The following VRK2 variants were observed in gnomAD, a reference collection of about 807,000 sequenced individuals.
VRK2 encodes the protein VRK serine/threonine kinase 2.
In VRK2, 60 loss-of-function variants were observed where a neutral mutation model predicts 57.6. The ratio of observed to expected loss-of-function variants is 1.04; its 90% CI spans 0.85 to 1.29. VRK2 has a LOEUF of 1.29. VRK2 is among the 50% of genes most tolerant of loss of function. VRK2 has a pLI of 0.00. For missense variants in VRK2, 705 were observed against 588.1 expected (o/e 1.20, Z -2.06); for synonymous variants, 231 against 199.2 (o/e 1.16, Z -1.35).
In VRK2 at chr2:57,975,758, C is replaced by CTTT. The variant is rs1000042113; in HGVS notation, c.-438-49897_-438-49895dup. ...ATGCCATATTTGGTTTTCTCTCTCT[C>CTTT]TTTTTTTTTTTTACTTTTATTTTTG... On this transcript the variant is annotated intron_variant, in intron 1 of 15. Coordinates refer to the VRK2 transcript ENST00000417641. Among the ~76,000 whole-genome samples the CTTT allele has an allele frequency of 3.4e-5, 5 of 145,334 alleles. No individual in the cohort carries two copies. The Admixed American group carries it at 3.4e-4, about 10-fold the overall frequency.
chr2:57,954,133 C>T (rs1272148703), intron 1 of VRK2, among the ~76,000 whole-genome samples: 1 of 152,092 alleles, frequency 6.6e-6, no homozygotes, highest in Admixed American at 6.6e-5. Flanking sequence ...TTACTTCTTA[C>T]TAATTTGAGG....
chr2:57,935,578 T>C (rs1384250957), intron 1 of VRK2, among the ~76,000 whole-genome samples: 2 of 152,204 alleles, frequency 1.3e-5, no homozygotes, highest in East Asian at 1.9e-4. Context: ...CCCTTGTGGG[T>C]CCGGAGGTAA....
intron 2 of VRK2, among the ~76,000 whole-genome samples, chr2:58,057,736 G>A (rs1676735991): frequency 6.6e-6 from 1 of 152,102 alleles, no homozygotes; most frequent in Non-Finnish European, 1.5e-5. Flanking sequence ...TTTGATTAAG[G>A]GTTTTGTACA....
chr2:57,920,568 TCAA>T (rs1670307861), intron 1 of VRK2, among the ~76,000 whole-genome samples: 1 of 152,108 alleles, frequency 6.6e-6, no homozygotes. Flanking sequence ...ATTTTCATTC[TCAA>T]CAACAAAAGC....
intron 1 of VRK2, among the ~76,000 whole-genome samples, chr2:57,946,999 A>G (rs1671282435): frequency 6.6e-6 from 1 of 152,148 alleles, no homozygotes; most frequent in Non-Finnish European, 1.5e-5. Flanking sequence ...TGTCCATCTT[A>G]ATTATATTTC....
intron 12 of VRK2, among the ~76,000 whole-genome samples, chr2:58,154,359 A>G (rs1271799406): frequency 1.3e-5 from 2 of 151,610 alleles, no homozygotes; most frequent in Non-Finnish European, 2.9e-5. Flanking sequence ...ATATAATTGT[A>G]TATATCATAT....
chr2:57,967,722 G>A (rs1025628694), intron 1 of VRK2, among the ~76,000 whole-genome samples: 3 of 152,102 alleles, frequency 2.0e-5, no homozygotes, highest in Admixed American at 6.6e-5. Flanking sequence ...AGAAGGAGAC[G>A]TGGGATAGAT....
At chr2:58,106,057 G>A (rs1416215539) in intron 7 of VRK2, among the ~76,000 whole-genome samples, 1 of 151,878 alleles carries the variant, frequency 6.6e-6, no homozygotes, top group Non-Finnish European at 1.5e-5. Flanking sequence ...CAAAGAGGAA[G>A]ACCATTAAGC....
At chr2:58,094,354 G>A (rs1253317732) in intron 7 of VRK2, among the ~76,000 whole-genome samples, 1 of 152,174 alleles carries the variant, frequency 6.6e-6, no homozygotes, top group African/African-American at 2.4e-5. Context: ...GCAGTGGTTT[G>A]TAGTTCTCCT....
At chr2:57,910,990 T>G (rs1669968935) in intron 1 of VRK2, among the ~76,000 whole-genome samples, 1 of 151,976 alleles carries the variant, frequency 6.6e-6, no homozygotes, top group South Asian at 2.1e-4. Flanking sequence ...TGGGGAATGA[T>G]TTTAAGATTG....
At chr2:58,086,921 G>T (rs960672277) in intron 5 of VRK2, among the ~76,000 whole-genome samples, 2 of 152,140 alleles carry the variant, frequency 1.3e-5, no homozygotes, top group African/African-American at 4.8e-5. Flanking sequence ...TCTTAAAAGG[G>T]ATATTATCGC....
At chr2:57,950,789 G>A (rs951694553) in intron 1 of VRK2, among the ~76,000 whole-genome samples, 17 of 152,144 alleles carry the variant, frequency 1.1e-4, no homozygotes, top group Non-Finnish European at 2.1e-4. Context: ...CATTCTAGAC[G>A]CCATTAAGAA....
chr2:58,018,390 A>C (rs1673650740), intron 1 of VRK2, among the ~76,000 whole-genome samples: 1 of 152,220 alleles, frequency 6.6e-6, no homozygotes, highest in South Asian at 2.1e-4. Context: ...GTACCTTGTT[A>C]ATTCTAAAAG....
At chr2:58,134,617 C>CAAAAAAAA (rs70954875) in intron 9 of VRK2, among the ~76,000 whole-genome samples, 2 of 73,082 alleles carry the variant, frequency 2.7e-5, no homozygotes, top group African/African-American at 8.9e-5. Flanking sequence ...GACTCCGTCT[C>CAAAAAAAA]AAAAAAAAAA....
chr2:57,964,946 G>C (rs369014317), intron 1 of VRK2, among the ~76,000 whole-genome samples: 1 of 137,668 alleles, frequency 7.3e-6, no homozygotes, highest in Admixed American at 7.4e-5. Context: ...GAAGGTAAAA[G>C]CTTGACTGTC....
chr2:58,054,021 C>G (rs1676144671), intron 2 of VRK2, among the ~76,000 whole-genome samples: 1 of 152,076 alleles, frequency 6.6e-6, no homozygotes, highest in Non-Finnish European at 1.5e-5. Context: ...GTTGGACTTA[C>G]AGACAAGAAA....
At chr2:58,120,377 G>A (rs1395053760) in intron 7 of VRK2, among the ~76,000 whole-genome samples, 1 of 151,174 alleles carries the variant, frequency 6.6e-6, no homozygotes, top group Non-Finnish European at 1.5e-5. Context: ...TTTTAGTAGA[G>A]ATGGGGTTTC....
rs775030893 is a variant in VRK2 at position 58,159,810 on chromosome 2, G to GAGAAC, written c.*119_*123dup. The GAGAAC allele has an allele frequency of 6.8e-6, 11 of 1,612,150 alleles. No homozygotes were observed. Among genetic ancestry groups the GAGAAC allele is most frequent in the Non-Finnish European group, 7.6e-6 (9 of 1,179,308 alleles). On this transcript the variant is annotated 3_prime_UTR_variant, in exon 13 of 13. Transcript: ENST00000340157. ...TTTTTAAGGTAATTGGCTTTAAAAA[G>GAGAAC]AGAACATATTTTAACAAAGTTTGTG...
chr2:58,144,681 A>G (rs1358049345), intron 11 of VRK2, among the ~76,000 whole-genome samples: 2 of 152,026 alleles, frequency 1.3e-5, no homozygotes, highest in Non-Finnish European at 2.9e-5. Flanking sequence ...TTTATTACCA[A>G]GATGACTTCA....
Sources: gnomAD v4.1 joint callset for allele counts (sites outside exome capture counted in the v4.1 genomes callset) on GRCh38, gnomAD v4.1.1 for gene constraint, MANE v1.5 for transcripts, NCBI Gene and HGNC (gene_info 2026-07-23, HGNC 2026-07-21) for gene names.